Variants in PDXK observed in about 807,000 individuals in gnomAD.
PDXK encodes the protein pyridoxal kinase, also known as epididymis secretory sperm binding protein Li 1a.
In PDXK, 15 loss-of-function variants were observed where a neutral mutation model predicts 43.2. The observed-to-expected ratio is 0.35, with a 90% CI of 0.23 to 0.53. PDXK has a LOEUF of 0.53. PDXK is among the 20% of genes least tolerant of loss of function. PDXK has a pLI of 0.92. For synonymous variants in PDXK, 172 were observed against 165.4 expected (o/e 1.04, Z -0.31); for missense variants, 343 against 417.0 (o/e 0.82, Z 1.54).
chr21:43,727,035 C>T (rs544787034), intron 1 of PDXK, among the ~76,000 whole-genome samples: 2 of 152,242 alleles, frequency 1.3e-5, no homozygotes, highest in South Asian at 2.1e-4. Context: ...CAGTGTTGGC[C>T]GGCCCCCCCG....
intron 1 of PDXK, among the ~76,000 whole-genome samples, chr21:43,729,450 C>T (rs1437547957): frequency 6.6e-6 from 1 of 152,142 alleles, no homozygotes; most frequent in Non-Finnish European, 1.5e-5. Flanking sequence ...CAGAAGGTGC[C>T]CGGGGTTCTG....
chr21:43,737,336 C>A lies in PDXK; in HGVS notation c.142+3213C>A. 1 of 1,339,138 alleles carries A rather than the reference C, an allele frequency of 7.5e-7. No individual in the cohort carries two copies. Among genetic ancestry groups the A allele is most frequent in the Non-Finnish European group, 9.6e-7 (1 of 1,043,452 alleles). 83.0% of individuals were successfully genotyped at this position (1,339,138 alleles called of 1,614,324 possible). ...ACTTCTGCCCCTTCCCCCGGCCAGG[C>A]CCCCGTTCCTTGAGGCCGTACCACA... On this transcript the variant is annotated intron_variant, in intron 2 of 10. Coordinates refer to ENST00000291565, the MANE Select transcript of PDXK (RefSeq NM_003681.5). This position sits in a 1 kb window ranked among gnomAD's most constrained non-coding sequence, Gnocchi z 4.8.
rs761885629 is a variant in PDXK at position 43,732,546 on chromosome 21, A to G, written c.88-1523A>G. 9.5e-7 allele frequency: 1 copy of G among 1,048,558 alleles called. No individual in the cohort carries two copies. Among genetic ancestry groups the G allele is most frequent in the Non-Finnish European group, 1.5e-6 (1 of 663,972 alleles). The allele number at this position is 1,048,558 out of a possible 1,614,324, so 65.0% of individuals were successfully genotyped here. A position where few individuals can be genotyped will look rare whatever the true frequency, so the allele number is the denominator to read the frequency against. On this transcript the variant is annotated intron_variant, in intron 1 of 10. Transcript: ENST00000291565. The surrounding 1 kb of genome is among the most constrained non-coding windows in gnomAD (Gnocchi z 4.1). ...TCTCGGATACGTTTGCCAGCCCCAA[A>G]GGATTAATTATCTACACACCCAGAA...
At chr21:43,750,968 G>A (rs2083739216) in intron 7 of PDXK, among the ~76,000 whole-genome samples, 1 of 151,548 alleles carries the variant, frequency 6.6e-6, no homozygotes, top group Non-Finnish European at 1.5e-5. Context: ...GTGCATGTGT[G>A]TGTGTGTGTG....
At chr21:43,741,811 C>T (rs780637766) in intron 3 of PDXK, 40 bp downstream of exon 3, 7 of 1,345,894 alleles carry the variant, frequency 5.2e-6, no homozygotes, top group Non-Finnish European at 2.1e-6. Context: ...ACTACGCACC[C>T]CACTCCAGCC....
intron 1 of PDXK, chr21:43,733,840 C>G (rs1350169890): frequency 1.5e-6 from 1 of 671,902 alleles, no homozygotes; most frequent in African/African-American, 1.8e-5. Context: ...TGGTTGCTCC[C>G]CAGAGAGGGA....
Position 43,719,218 on chromosome 21 carries a change from G to C in PDXK, c.-77G>C. On this transcript the variant is annotated 5_prime_UTR_variant, in exon 1 of 11. Coordinates refer to ENST00000291565, the MANE Select transcript of PDXK (RefSeq NM_003681.5). ...GGAGCCGGGGCCGGAGCCCGAGCCC[G>C]AGCCGAGCCGGAGCCCGAGCGAGCG... 2 of 826,068 alleles carry C rather than the reference G, an allele frequency of 2.4e-6. No individual in the cohort carries two copies. The highest frequency in any genetic ancestry group is 3.2e-6 in the Non-Finnish European group (2 of 615,744). 51.2% of individuals were successfully genotyped at this position (826,068 alleles called of 1,614,324 possible).
Position 43,741,763 on chromosome 21 carries a change from T to C in PDXK, c.239T>C (p.Val80Ala). 6 of 1,602,004 alleles carry C rather than the reference T, an allele frequency of 3.7e-6. No individual in the cohort carries two copies. The highest frequency in any genetic ancestry group is 5.1e-6 in the Non-Finnish European group (6 of 1,170,396). The stretch of plus-strand genomic sequence containing the variant: ...AACAACATGAATAAATATGACTACG[T>C]GCTCACAGGTAGGTGCCGGAGCAAG... ...RLNNMNKYDY[V>A]LTGYTRDKSF... is the part of the protein sequence containing the mutation. The change falls in exon 3 of 11, where the codon GTG becomes GCG. Residue 80 changes from valine to alanine, a missense_variant. Val to Ala is a moderately conservative substitution (Grantham distance 64, BLOSUM62 0). Coordinates refer to ENST00000291565, the MANE Select transcript of PDXK (RefSeq NM_003681.5).
chr21:43,728,694 G>A, intron 1 of PDXK: 2 of 984,834 alleles, frequency 2.0e-6, no homozygotes, highest in Non-Finnish European at 2.4e-6. Flanking sequence ...ACTCCCGCAC[G>A]TGGGCAGGAG....
intron 1 of PDXK, chr21:43,733,651 C>A: frequency 9.4e-7 from 1 of 1,059,816 alleles, no homozygotes; most frequent in Non-Finnish European, 1.1e-6. Context: ...GGTAGACGCC[C>A]ACATTTTCAC....
At chr21:43,747,561 T>C (rs987667251) in intron 5 of PDXK, among the ~76,000 whole-genome samples, 1 of 152,212 alleles carries the variant, frequency 6.6e-6, no homozygotes, top group Non-Finnish European at 1.5e-5. Context: ...CTTTCTCCCA[T>C]GCTTGTTCTC....
Position 43,752,604 on chromosome 21 carries a change from G to A in PDXK, c.597G>A (p.Leu199=). 6.2e-7 allele frequency: 1 copy of A among 1,612,352 alleles called. No homozygotes were observed. Among genetic ancestry groups the A allele is most frequent in the South Asian group, 1.1e-5 (1 of 91,080 alleles). ...DLPSPQGSNY[L]IVLGSQRRRN... ...CCTCCCCGCAGGGCAGCAACTACCT[G>A]ATTGTGCTGGGGAGTCAGAGGAGGA... is the stretch of plus-strand genomic sequence containing the variant. Residue 199 remains leucine (L), a synonymous_variant, in exon 8 of 11, where the codon CTG becomes CTA. Transcript: ENST00000291565.
chr21:43,719,403 G>T (rs1168823812), intron 1 of PDXK, 22 bp downstream of exon 1: 1 of 1,515,412 alleles, frequency 6.6e-7, no homozygotes, highest in South Asian at 1.2e-5. Context: ...CCCGCAGCCC[G>T]GGCTTACGTA....
intron 7 of PDXK, 50 bp from the exon 8 acceptor site, chr21:43,752,468 G>A (rs372007377): frequency 1.0e-5 from 13 of 1,278,274 alleles, no homozygotes; most frequent in African/African-American, 2.9e-5. Context: ...GTGACCAGCC[G>A]TGGCTGACAT....
At chr21:43,741,566 C>T (rs1263801844) in intron 2 of PDXK, 101 bp from the exon 3 acceptor site, 1 of 1,546,330 alleles carries the variant, frequency 6.5e-7, no homozygotes, top group East Asian at 2.3e-5. Context: ...GAGGAGCCGT[C>T]CACCAGGCAG....
chr21:43,746,063 C>T lies in PDXK; in HGVS notation c.332-16C>T, dbSNP rs1377129811. The stretch of plus-strand genomic sequence containing the variant: ...GCTGTAGCCTTTGCTGATAAGATGC[C>T]CTTGTGTCTCTGCAGTGTGTGATCC... On this transcript the variant is annotated splice_polypyrimidine_tract_variant and intron_variant, in intron 4 of 10. Transcript: ENST00000291565. 2 of 1,608,356 alleles carry T rather than the reference C, an allele frequency of 1.2e-6. No individual in the cohort carries two copies. The highest frequency in any genetic ancestry group is 1.7e-6 in the Non-Finnish European group (2 of 1,174,762).
chr21:43,736,357 C>T (rs746426230), intron 2 of PDXK, among the ~76,000 whole-genome samples: 52 of 152,300 alleles, frequency 3.4e-4, no homozygotes, highest in African/African-American at 1.2e-3. Flanking sequence ...CCTCCTGCTG[C>T]GTGGCCCATC....
chr21:43,740,854 G>A (rs1407550974), intron 2 of PDXK, among the ~76,000 whole-genome samples: 1 of 151,372 alleles, frequency 6.6e-6, no homozygotes, highest in Non-Finnish European at 1.5e-5. Context: ...GGAGTTGGGG[G>A]TGGGGACATA....
At chr21:43,748,785 G>A (rs2083682221) in intron 5 of PDXK, among the ~76,000 whole-genome samples, 2 of 152,200 alleles carry the variant, frequency 1.3e-5, no homozygotes, top group Admixed American at 6.5e-5. Flanking sequence ...GCCCCTCGGA[G>A]CACTTAGGGT....
Sources: allele counts gnomAD v4.1 joint callset (sites outside exome capture counted in the v4.1 genomes callset), GRCh38; gene constraint gnomAD v4.1.1; non-coding constraint Gnocchi (gnomAD v3.1); transcripts MANE v1.5; gene names NCBI Gene and HGNC (gene_info 2026-07-23, HGNC 2026-07-21).